The following VPS13A variants were observed in gnomAD, a reference collection of about 807,000 sequenced individuals.
VPS13A encodes the protein intermembrane lipid transfer protein VPS13A.
VPS13A carries 264 observed loss-of-function variants against 390.9 expected under a neutral mutation model. The ratio of observed to expected loss-of-function variants is 0.68; its 90% CI spans 0.61 to 0.75. The LOEUF is 0.75. Among genes scored for constraint, VPS13A ranks in the 30% least tolerant of loss-of-function variants. The probability of loss-of-function intolerance (pLI) is 0.00; values close to 1 mark genes in which losing one functional copy is unlikely to be tolerated. For missense variants in VPS13A, 3,409 were observed against 3,733.9 expected (o/e 0.91, Z 2.27); for synonymous variants, 1,231 against 1,227.1 (o/e 1.00, Z -0.07).
intron 26 of VPS13A, among the ~76,000 whole-genome samples, chr9:77,278,157 A>T (rs1051754858): frequency 1.3e-5 from 2 of 149,386 alleles, no homozygotes; most frequent in African/African-American, 4.9e-5. Flanking sequence ...TGCAAGCTCC[A>T]CCTCCTGGGT....
At chr9:77,193,661 C>A (rs1035695321) in intron 1 of VPS13A, among the ~76,000 whole-genome samples, 1 of 152,010 alleles carries the variant, frequency 6.6e-6, no homozygotes, top group South Asian at 2.1e-4. Context: ...AAAATAAGAA[C>A]CATTGCTGGG....
rs1320145181 is a variant in VPS13A at position 77,273,296 on chromosome 9, C to T, written c.2444C>T (p.Ser815Phe). Reference sequence around the variant, plus strand: ...TTCTTTCAGATTCAAACATCTACTTCTTTGGGAACATCACAGATTTCACAG... The same window carrying T: ...TTCTTTCAGATTCAAACATCTACTTTTTTGGGAACATCACAGATTTCACAG... Reference protein sequence around the residue: ...VKSFQIQTSTSLGTSQISQKI... With the variant: ...VKSFQIQTSTFLGTSQISQKI... Residue 815 changes from serine (S) to phenylalanine (F), a missense_variant, in exon 24 of 72, where the codon TCT becomes TTT. Physicochemically the swap from Ser to Phe is radical, Grantham distance 155. Around this residue, in one of 5 missense-constraint regions of VPS13A, gnomAD observed 2,717 missense variants for 2,917.4 expected, o/e 0.93. Transcript: ENST00000360280. 6.2e-7 allele frequency: 1 copy of T among 1,611,606 alleles called. No individual in the cohort carries two copies. The highest frequency in any genetic ancestry group is 8.5e-7 in the Non-Finnish European group (1 of 1,178,596).
At position 77,184,715 on chromosome 9, in the gene VPS13A, G is replaced by T. The variant is rs574241718; in HGVS notation, c.100+6911G>T. On this transcript the variant is annotated intron_variant, in intron 1 of 71. Coordinates refer to ENST00000360280, the MANE Select transcript of VPS13A (RefSeq NM_033305.3). ...GATTTTTTTCTTTTTTAATCTGTTGGTGTGATACATTACATTAATTGATCT... is the reference window on the plus strand; with the variant it reads ...GATTTTTTTCTTTTTTAATCTGTTGTTGTGATACATTACATTAATTGATCT... Among the ~76,000 whole-genome samples the T allele has an allele frequency of 5.9e-4, 89 of 152,120 alleles. 1 individual carries two copies. The Middle Eastern group carries it at 0.01, about 17-fold the overall frequency.
chr9:77,241,964 A>G (rs1291892334), intron 19 of VPS13A, among the ~76,000 whole-genome samples: 1 of 152,048 alleles, frequency 6.6e-6, no homozygotes, highest in Non-Finnish European at 1.5e-5. Flanking sequence ...GTCCTTTAAG[A>G]TTTCAGATTT....
chr9:77,351,157 C>A, intron 52 of VPS13A, 160 bp from the exon 53 acceptor site: 6 of 816,234 alleles, frequency 7.4e-6, no homozygotes, highest in Non-Finnish European at 9.3e-6. Context: ...CATTAGTGAA[C>A]CCTTTTTTAA....
chr9:77,177,682 C>A lies in VPS13A; in HGVS notation c.-23C>A. Reference sequence around the variant, plus strand: ...GAGGAGGAGCGCACGGGCCGGCTGCCGTGCCCACCACGGCTGAGGAACATG... The same window carrying A: ...GAGGAGGAGCGCACGGGCCGGCTGCAGTGCCCACCACGGCTGAGGAACATG... On this transcript the variant is annotated 5_prime_UTR_variant, in exon 1 of 72. Coordinates refer to ENST00000360280, the MANE Select transcript of VPS13A (RefSeq NM_033305.3). 3 of 1,609,526 alleles carry A rather than the reference C, an allele frequency of 1.9e-6. No homozygotes were observed. The highest frequency in any genetic ancestry group is 1.1e-5 in the South Asian group (1 of 90,992).
chr9:77,318,534 A>G lies in VPS13A; in HGVS notation c.5256A>G (p.Ser1752=), dbSNP rs2131440363. The change falls in exon 41 of 72, where the codon TCA becomes TCG. Residue 1752 remains serine, a synonymous_variant. Coordinates refer to ENST00000360280, the MANE Select transcript of VPS13A (RefSeq NM_033305.3). ...TGCTTCTGGCAAAGTCACGTTTTTC[A>G]GGGGAAGGCAAAAACTGGAGTTCCC... ...VPMLLAKSRF[S]GEGKNWSSLI... 3 of 1,613,886 alleles carry G rather than the reference A, an allele frequency of 1.9e-6. No homozygotes were observed. The highest frequency in any genetic ancestry group is 2.5e-6 in the Non-Finnish European group (3 of 1,179,878).
intron 46 of VPS13A, among the ~76,000 whole-genome samples, chr9:77,334,254 T>C (rs1217510777): frequency 6.6e-6 from 1 of 152,182 alleles, no homozygotes; most frequent in East Asian, 1.9e-4. Context: ...CACAGTTAGA[T>C]GGTTGCTCCC....
intron 45 of VPS13A, among the ~76,000 whole-genome samples, chr9:77,329,152 A>G (rs770122449): frequency 2.6e-5 from 4 of 152,164 alleles, no homozygotes; most frequent in Non-Finnish European, 4.4e-5. Flanking sequence ...ACAATTCAAG[A>G]TGAGATTTGG....
At chr9:77,368,247 A>T (rs1365592699) in intron 62 of VPS13A, 111 bp downstream of exon 62, 1 of 856,326 alleles carries the variant, frequency 1.2e-6, no homozygotes, top group African/African-American at 1.7e-5. Flanking sequence ...GCCATTTTCA[A>T]ATTATTAAAG....
At chr9:77,226,085 C>G (rs1823490870) in intron 14 of VPS13A, 97 bp downstream of exon 14, 2 of 1,195,802 alleles carry the variant, frequency 1.7e-6, no homozygotes, top group African/African-American at 1.5e-5. Context: ...CATATTGTTT[C>G]CAAAAAGTGG....
chr9:77,388,071 G>T (rs573410157), intron 68 of VPS13A, among the ~76,000 whole-genome samples: 1 of 152,192 alleles, frequency 6.6e-6, no homozygotes, highest in East Asian at 1.9e-4. Context: ...TTGTCTCTTA[G>T]ATTTCCTTGC....
At chr9:77,334,534 G>A (rs2131489646) in intron 46 of VPS13A, among the ~76,000 whole-genome samples, 1 of 152,122 alleles carries the variant, frequency 6.6e-6, no homozygotes, top group African/African-American at 2.4e-5. Flanking sequence ...CAAATACCTT[G>A]CAGTCTGTCT....
chr9:77,243,802 A>T (rs1423071419), intron 19 of VPS13A, among the ~76,000 whole-genome samples: 1 of 152,198 alleles, frequency 6.6e-6, no homozygotes, highest in Non-Finnish European at 1.5e-5. Context: ...TAAGAGCAAT[A>T]TACTGGAAAT....
In VPS13A at chr9:77,220,078, A is replaced by G. The variant is rs1354968822; in HGVS notation, c.879A>G (p.Pro293=). 8.7e-6 allele frequency: 14 copies of G among 1,605,188 alleles called. No individual in the cohort carries two copies. The highest frequency in any genetic ancestry group is 1.2e-5 in the Non-Finnish European group (14 of 1,173,542). The change falls in exon 11 of 72, where the codon CCA becomes CCG. Residue 293 remains proline, a synonymous_variant. Coordinates refer to ENST00000360280, the MANE Select transcript of VPS13A (RefSeq NM_033305.3). ...LHNIAIEFNK[P]QYFSIMELLE... ...ACATAGCAATTGAATTTAATAAACC[A>G]CAGGTGATTTTCTTTAATATAATTT...
chr9:77,203,086 A>AT (rs1825424508), intron 3 of VPS13A, among the ~76,000 whole-genome samples: 1 of 152,166 alleles, frequency 6.6e-6, no homozygotes, highest in African/African-American at 2.4e-5. Context: ...TCCCCTTGCT[A>AT]TTATTGGGTA....
At chr9:77,320,376 A>G (rs1829670726) in intron 42 of VPS13A, among the ~76,000 whole-genome samples, 1 of 152,158 alleles carries the variant, frequency 6.6e-6, no homozygotes, top group Admixed American at 6.6e-5. Context: ...GTGTGCAGGA[A>G]TGTATATTAT....
chr9:77,338,246 A>T (rs1830637928), intron 47 of VPS13A: 2 of 152,276 alleles, frequency 1.3e-5, no homozygotes, highest in Non-Finnish European at 1.5e-5. Context: ...TGCTGGAATT[A>T]CAGGCATGAG....
chr9:77,325,481 G>A, intron 45 of VPS13A, among the ~76,000 whole-genome samples: 1 of 144,480 alleles, frequency 6.9e-6, no homozygotes, highest in East Asian at 2.0e-4. Context: ...ATTTAAAGTT[G>A]TTGTTGATAT....
Sources: allele counts gnomAD v4.1 joint callset (sites outside exome capture counted in the v4.1 genomes callset), GRCh38; gene constraint gnomAD v4.1.1; regional missense constraint gnomAD v4.1.1; transcripts MANE v1.5; gene names NCBI Gene and HGNC (gene_info 2026-07-23, HGNC 2026-07-21).